GALNTL6: variants seen among roughly 807,000 people sequenced by gnomAD.
GALNTL6 encodes polypeptide N-acetylgalactosaminyltransferase-like 6.
In GALNTL6, 46 loss-of-function variants were observed where a neutral mutation model predicts 73.7. The observed-to-expected ratio is 0.62, with a 90% confidence interval of 0.49 to 0.80. The LOEUF is 0.80. GALNTL6 is among the 30% of genes least tolerant of loss of function. The pLI is 0.00. For missense variants in GALNTL6, 604 were observed against 755.0 expected, an observed-to-expected ratio of 0.80 and a Z score of 2.34; for synonymous variants, 259 against 263.7, an observed-to-expected ratio of 0.98 and a Z score of 0.17.
At chr4:171,905,030 C>T (rs1345877478) in intron 2 of GALNTL6, among the ~76,000 whole-genome samples, 1 of 152,194 alleles carries the variant, frequency 6.6e-6, no homozygotes, top group African/African-American at 2.4e-5. Flanking sequence ...ATACGAGCCA[C>T]TGCAAAATCA....
intron 2 of GALNTL6, among the ~76,000 whole-genome samples, chr4:172,129,214 T>C (rs577021457): frequency 4.6e-5 from 7 of 152,306 alleles, no homozygotes; most frequent in African/African-American, 1.4e-4. Flanking sequence ...TTACATTATC[T>C]TAATACAAAT....
intron 3 of GALNTL6, among the ~76,000 whole-genome samples, chr4:172,246,713 G>A (rs1426283111): frequency 6.6e-6 from 1 of 151,046 alleles, no homozygotes; most frequent in African/African-American, 2.4e-5. Context: ...TCTATGAGGC[G>A]TAAATGGTCA....
intron 2 of GALNTL6, among the ~76,000 whole-genome samples, chr4:171,820,857 G>C (rs1028454181): frequency 8.5e-5 from 13 of 152,048 alleles, no homozygotes; most frequent in Admixed American, 8.5e-4. Context: ...GGCTAAGAAG[G>C]CCAATTTTGA....
At chr4:172,660,349 C>T (rs1367094009) in intron 5 of GALNTL6, among the ~76,000 whole-genome samples, 4 of 152,190 alleles carry the variant, frequency 2.6e-5, no homozygotes, top group African/African-American at 7.2e-5. Context: ...TAAGAAGATA[C>T]AGGCATCTGT....
chr4:172,746,934 A>G (rs1737138950), intron 5 of GALNTL6, among the ~76,000 whole-genome samples: 2 of 152,100 alleles, frequency 1.3e-5, no homozygotes, highest in African/African-American at 2.4e-5. Context: ...ATGATCTTCT[A>G]TATAGAAAAT....
chr4:172,858,699 A>T (rs1744237559), intron 7 of GALNTL6, among the ~76,000 whole-genome samples: 1 of 152,078 alleles, frequency 6.6e-6, no homozygotes, highest in Non-Finnish European at 1.5e-5. Flanking sequence ...AGTAGACTAA[A>T]ATCTAAGCTG....
chr4:171,894,055 G>A (rs1439530312), intron 2 of GALNTL6, among the ~76,000 whole-genome samples: 1 of 147,898 alleles, frequency 6.8e-6, no homozygotes, highest in Non-Finnish European at 1.5e-5. Context: ...AAGTTTAGAC[G>A]TGCAGTTGCT....
At chr4:172,441,217 C>T (rs1731825926) in intron 5 of GALNTL6, among the ~76,000 whole-genome samples, 1 of 152,088 alleles carries the variant, frequency 6.6e-6, no homozygotes, top group Non-Finnish European at 1.5e-5. Context: ...ACTACCTTTA[C>T]CATATCCAAA....
intron 2 of GALNTL6, among the ~76,000 whole-genome samples, chr4:172,108,149 CT>C (rs1423855803): frequency 1.3e-5 from 2 of 152,064 alleles, no homozygotes; most frequent in African/African-American, 4.8e-5. Context: ...ACAAACTTTA[CT>C]TTAGATAGTT....
intron 2 of GALNTL6, among the ~76,000 whole-genome samples, chr4:171,897,489 A>G (rs1037832606): frequency 6.6e-6 from 1 of 152,182 alleles, no homozygotes; most frequent in African/African-American, 2.4e-5. Context: ...GACTTTATCC[A>G]AATTAAAATC....
chr4:172,492,095 C>T (rs2110749436), intron 5 of GALNTL6, among the ~76,000 whole-genome samples: 1 of 152,262 alleles, frequency 6.6e-6, no homozygotes, highest in African/African-American at 2.4e-5. Flanking sequence ...GTCAGCATCA[C>T]AGCTATCACC....
chr4:172,013,407 A>T (rs1741082824), intron 2 of GALNTL6, among the ~76,000 whole-genome samples: 1 of 152,070 alleles, frequency 6.6e-6, no homozygotes, highest in African/African-American at 2.4e-5. Flanking sequence ...AAAAATATAC[A>T]GTATTTGTCT....
chr4:172,874,591 G>A lies in GALNTL6; in HGVS notation c.924-8199G>A, dbSNP rs113067947. Among the ~76,000 whole-genome samples, 26 of 152,330 alleles carry A rather than the reference G, an allele frequency of 1.7e-4. 1 individual carries two copies. Among genetic ancestry groups the A allele is most frequent in the African/African-American group, 6.3e-4 (26 of 41,588 alleles). On this transcript the variant is annotated intron_variant, in intron 7 of 12. Coordinates refer to ENST00000506823, the MANE Select transcript of GALNTL6 (RefSeq NM_001034845.3). ...TGCTAAGCCCAAACTGGGATTCAGA[G>A]ACTGACAGAGCTGGTGACACCCTGG...
At chr4:172,842,948 C>T (rs990441131) in intron 7 of GALNTL6, among the ~76,000 whole-genome samples, 3 of 152,104 alleles carry the variant, frequency 2.0e-5, no homozygotes, top group Non-Finnish European at 4.4e-5. Context: ...CAGAGAATAA[C>T]GACTTCCGCA....
At position 172,848,545 on chromosome 4, in the gene GALNTL6, C is replaced by A. The variant is rs374595171; in HGVS notation, c.924-34245C>A. Among the ~76,000 whole-genome samples, 4 of 152,130 alleles carry A rather than the reference C, an allele frequency of 2.6e-5. No homozygotes were observed. In the East Asian group the frequency reaches 7.7e-4, roughly 29 times the overall value. ...ACGTCTCAGTTATCTGGATTCAGAC[C>A]CTTCTGGGAAAAGAGAAGTAGTTGC... On this transcript the variant is annotated intron_variant, in intron 7 of 12. Transcript: ENST00000506823.
At chr4:172,676,412 G>C (rs530029916) in intron 5 of GALNTL6, among the ~76,000 whole-genome samples, 4 of 152,212 alleles carry the variant, frequency 2.6e-5, no homozygotes, top group Admixed American at 2.0e-4. Context: ...AATATTTCTT[G>C]TTCTAAGGAT....
At chr4:172,524,276 T>C (rs776089862) in intron 5 of GALNTL6, among the ~76,000 whole-genome samples, 1 of 151,736 alleles carries the variant, frequency 6.6e-6, no homozygotes, top group Non-Finnish European at 1.5e-5. Context: ...TGAGACAGAG[T>C]CTCACTCTGT....
At chr4:172,785,132 A>G (rs968616562) in intron 5 of GALNTL6, among the ~76,000 whole-genome samples, 4 of 152,196 alleles carry the variant, frequency 2.6e-5, no homozygotes, top group African/African-American at 9.7e-5. Flanking sequence ...CTTCTTAACT[A>G]TATGAAAGAC....
chr4:173,023,275 C>G (rs749559535), intron 12 of GALNTL6, among the ~76,000 whole-genome samples: 18 of 152,098 alleles, frequency 1.2e-4, no homozygotes, highest in Non-Finnish European at 1.8e-4. Flanking sequence ...TATACTCATC[C>G]AAAGGTGGAC....
Sources: allele counts gnomAD v4.1 joint callset (sites outside exome capture counted in the v4.1 genomes callset), GRCh38; gene constraint gnomAD v4.1.1; transcripts MANE v1.5; gene names NCBI Gene and HGNC (gene_info 2026-07-23, HGNC 2026-07-21).